Variants in IQCK observed in about 807,000 individuals in gnomAD.
IQCK encodes IQ motif containing K, also known as IQ domain-containing protein K.
IQCK carries 29 observed loss-of-function variants against 28.1 expected under a neutral mutation model. The observed-to-expected ratio is 1.03, with a 90% confidence interval of 0.77 to 1.41. The LOEUF (loss-of-function observed/expected upper bound fraction) is 1.41, where lower values mean the gene tolerates loss of function less well. Among genes scored for constraint, IQCK ranks in the 40% most tolerant of loss-of-function variants. The pLI, the probability that IQCK is intolerant of heterozygous loss-of-function variation, is 0.00. For missense variants in IQCK, 359 were observed against 314.7 expected, an observed-to-expected ratio of 1.14 and a Z score of -1.07; for synonymous variants, 113 against 115.1, an observed-to-expected ratio of 0.98 and a Z score of 0.12.
chr16:19,746,227 A>G (rs1190267368), intron 4 of IQCK, among the ~76,000 whole-genome samples: 2 of 148,838 alleles, frequency 1.3e-5, no homozygotes, highest in Admixed American at 6.7e-5. Context: ...GGTACGTCGT[A>G]GATATATATA....
At chr16:19,765,821 A>T in intron 6 of IQCK, 1 of 152,210 alleles carries the variant, frequency 6.6e-6, no homozygotes, top group East Asian at 1.9e-4. Flanking sequence ...TATTTTTCTA[A>T]GACAAGCTTC....
chr16:19,856,349 C>A, intron 9 of IQCK, 138 bp from the exon 9 acceptor site: 1 of 669,388 alleles, frequency 1.5e-6, no homozygotes, highest in Non-Finnish European at 2.7e-6. Context: ...ATCCATGGGG[C>A]CGGAACCATG....
intron 9 of IQCK, among the ~76,000 whole-genome samples, chr16:19,852,588 T>A (rs973877105): frequency 6.6e-6 from 1 of 152,014 alleles, no homozygotes; most frequent in African/African-American, 2.4e-5. Flanking sequence ...ACACTATATG[T>A]ATTATTCCGT....
At chr16:19,829,586 C>G (rs1053881466), downstream of IQCK, among the ~76,000 whole-genome samples, 6 of 152,182 alleles carry the variant, frequency 3.9e-5, no homozygotes, top group Non-Finnish European at 8.8e-5. Context: ...ATCCTCCTTC[C>G]TCGGCCTCCC....
At chr16:19,759,049 A>G (rs962641607) in intron 4 of IQCK, among the ~76,000 whole-genome samples, 1 of 152,208 alleles carries the variant, frequency 6.6e-6, no homozygotes, top group African/African-American at 2.4e-5. Context: ...GAAATTGTCT[A>G]CAATTATATT....
At chr16:19,743,409 C>A (rs975471398) in intron 4 of IQCK, among the ~76,000 whole-genome samples, 1 of 152,198 alleles carries the variant, frequency 6.6e-6, no homozygotes, top group Non-Finnish European at 1.5e-5. Flanking sequence ...AGGAGCAAAT[C>A]CCCTCAAATT....
chr16:19,855,129 C>T (rs956281452), intron 9 of IQCK, among the ~76,000 whole-genome samples: 1 of 152,110 alleles, frequency 6.6e-6, no homozygotes, highest in Admixed American at 6.5e-5. Context: ...TCTTGTTTGG[C>T]ACCTGGGGAG....
At chr16:19,798,452 C>T (rs1264429283) in intron 7 of IQCK, among the ~76,000 whole-genome samples, 1 of 115,566 alleles carries the variant, frequency 8.7e-6, no homozygotes, top group Non-Finnish European at 1.5e-5. Flanking sequence ...ATATTTCGGT[C>T]ACTTACAGCC....
At chr16:19,849,795 G>A (rs2056459101) in intron 9 of IQCK, among the ~76,000 whole-genome samples, 1 of 151,810 alleles carries the variant, frequency 6.6e-6, no homozygotes, top group Non-Finnish European at 1.5e-5. Context: ...GAAAAAGAAG[G>A]AATGAAAGAA....
chr16:19,766,867 C>T (rs1030660277), intron 6 of IQCK, among the ~76,000 whole-genome samples: 9 of 152,140 alleles, frequency 5.9e-5, no homozygotes, highest in African/African-American at 1.9e-4. Flanking sequence ...GTCAGGAGTT[C>T]GAGACTAGCC....
intron 6 of IQCK, among the ~76,000 whole-genome samples, chr16:19,781,723 T>C (rs1179477620): frequency 6.6e-6 from 1 of 152,162 alleles, no homozygotes; most frequent in East Asian, 1.9e-4. Context: ...GCGTGGTGGC[T>C]CACGCCTGTA....
chr16:19,832,222 C>A (rs12149921), intron 9 of IQCK, among the ~76,000 whole-genome samples: 35,175 of 151,246 alleles, frequency 0.23, 4,289 homozygotes, highest in Admixed American at 0.28. Context: ...ATTACATTAC[C>A]TATGTGTGTG....
At chr16:19,845,663 T>C (rs542366624) in intron 9 of IQCK, among the ~76,000 whole-genome samples, 2 of 152,366 alleles carry the variant, frequency 1.3e-5, no homozygotes, top group South Asian at 4.1e-4. Context: ...TAAATACATA[T>C]GAATAACACA....
intron 1 of IQCK, among the ~76,000 whole-genome samples, chr16:19,720,265 C>T (rs1312915000): frequency 6.6e-6 from 1 of 152,144 alleles, no homozygotes; most frequent in African/African-American, 2.4e-5. Flanking sequence ...TCACTTTCAC[C>T]CCTACGTCCT....
chr16:19,742,340 C>A (rs866766098), intron 4 of IQCK, among the ~76,000 whole-genome samples: 1 of 152,158 alleles, frequency 6.6e-6, no homozygotes, highest in Non-Finnish European at 1.5e-5. Flanking sequence ...TTAATTAAAT[C>A]GGATTCCCTC....
At chr16:19,735,285 A>G in intron 3 of IQCK, 68 bp from the exon 4 acceptor site, 1 of 1,063,158 alleles carries the variant, frequency 9.4e-7, no homozygotes, top group South Asian at 1.3e-5. Flanking sequence ...CTCAAAAGTA[A>G]ACATTTCTCC....
intron 7 of IQCK, among the ~76,000 whole-genome samples, chr16:19,820,485 T>TA: frequency 6.6e-6 from 1 of 151,958 alleles, no homozygotes; most frequent in Non-Finnish European, 1.5e-5. Flanking sequence ...CCGTCTCTAC[T>TA]AAAAATACAA....
At chr16:19,754,129 C>T (rs2055021757) in intron 4 of IQCK, among the ~76,000 whole-genome samples, 1 of 152,064 alleles carries the variant, frequency 6.6e-6, no homozygotes, top group Non-Finnish European at 1.5e-5. Context: ...ACGGAGTTAA[C>T]CATCTGCACC....
At chr16:19,765,523 G>A (rs1283999924) in intron 6 of IQCK, among the ~76,000 whole-genome samples, 4 of 151,888 alleles carry the variant, frequency 2.6e-5, no homozygotes, top group African/African-American at 9.7e-5. Context: ...CGGGGACAGA[G>A]TGAGACTCTG....
Sources: allele counts gnomAD v4.1 joint callset (sites outside exome capture counted in the v4.1 genomes callset), GRCh38; gene constraint gnomAD v4.1.1; transcripts MANE v1.5; gene names NCBI Gene and HGNC (gene_info 2026-07-23, HGNC 2026-07-21).